Variants in PLEC observed in about 807,000 individuals in gnomAD.
The protein encoded by PLEC is hemidesmosomal protein 1.
PLEC carries 216 observed loss-of-function variants against 392.8 expected under a neutral mutation model. The ratio of observed to expected loss-of-function variants is 0.55; its 90% CI spans 0.49 to 0.62. The LOEUF is 0.62. Ranked by LOEUF, PLEC falls within the 20% of genes least tolerant of loss-of-function variation. PLEC has a pLI of 0.00. For synonymous variants in PLEC, 3,621 were observed against 2,980.6 expected (o/e 1.21, Z -7.00); for missense variants, 6,863 against 6,563.4 (o/e 1.05, Z -1.58).
Position 143,936,982 on chromosome 8 carries a change from GA to G in PLEC, c.431del (p.Phe144SerfsTer8), listed in dbSNP as rs1829222797. 6.2e-7 allele frequency: 1 copy of G among 1,610,498 alleles called. No homozygotes were observed. Among genetic ancestry groups the G allele is most frequent in the Non-Finnish European group, 8.5e-7 (1 of 1,177,764 alleles). On this transcript the variant is annotated frameshift_variant, in exon 5 of 32. Coordinates refer to ENST00000345136, the MANE Select transcript of PLEC (RefSeq NM_201384.3). LOFTEE classifies it high-confidence loss of function. Reference sequence around the variant, plus strand: ...GTCCTGGGGGCAGCCGTTCTACCTGGAAGTGCAGAATGATTGTCCAGATGAG... The same window carrying G: ...GTCCTGGGGGCAGCCGTTCTACCTGGAGTGCAGAATGATTGTCCAGATGAG... ...LGLIWTIILH[F>X]QISDIQVSGQ...
At position 143,917,530 on chromosome 8, in the gene PLEC, C is replaced by A. The variant is rs1473652198; in HGVS notation, c.12291G>T (p.Glu4097Asp). 2 of 1,613,840 alleles carry A rather than the reference C, an allele frequency of 1.2e-6. No individual in the cohort carries two copies. Among genetic ancestry groups the A allele is most frequent in the Non-Finnish European group, 1.7e-6 (2 of 1,180,044 alleles). ...TKGFFDPNTEENLTYLQLMER... is the reference protein window; with the variant it reads ...TKGFFDPNTEDNLTYLQLMER... ...CCATCAGCTGCAGGTAGGTGAGGTT[C>A]TCCTCCGTGTTAGGGTCAAAGAAGC... is the stretch of plus-strand genomic sequence containing the variant. Residue 4097 changes from glutamate to aspartate, a missense_variant, in exon 32 of 32, where the codon GAG becomes GAT. Glu to Asp is a conservative substitution (Grantham distance 45, BLOSUM62 2). Transcript: ENST00000345136.
rs765865869 is a variant in PLEC at position 143,929,228 on chromosome 8, G to A, written c.3135C>T (p.Ala1045=). The A allele has an allele frequency of 1.1e-5, 18 of 1,602,752 alleles. No homozygotes were observed. In the East Asian group the frequency reaches 1.3e-4, roughly 12 times the overall value. The change falls in exon 25 of 32, where the codon GCC becomes GCT. Residue 1045 remains alanine, a synonymous_variant. Coordinates refer to ENST00000345136, the MANE Select transcript of PLEC (RefSeq NM_201384.3). ...GTAGGGCCAAGACCTTCTCGGCCTC[G>A]GCAGAGAGCCGGGCGACCCCCTTGC... The part of the protein sequence containing the change: ...GLGKGVARLS[A]EAEKVLALPE...
chr8:143,920,451 G>A lies in PLEC; in HGVS notation c.9370C>T (p.Leu3124Phe), dbSNP rs1554681830. The change falls in exon 32 of 32, where the codon CTC (leucine) becomes TTC (phenylalanine). Residue 3124 changes from leucine (L) to phenylalanine (F), a missense_variant. By Grantham distance (22) the Leu-to-Phe change is conservative (BLOSUM62 0). Transcript: ENST00000345136. The stretch of plus-strand genomic sequence containing the variant: ...CGCAGGCCCTGCTCCCGGGGAATGA[G>A]GCCCTTCTTCAGGGCCTGGAACAGG... The part of the protein sequence containing the change: ...VSLFQALKKG[L>F]IPREQGLRLL... 2 of 1,600,972 alleles carry A rather than the reference G, an allele frequency of 1.2e-6. No individual in the cohort carries two copies. Among genetic ancestry groups the A allele is most frequent in the South Asian group, 1.1e-5 (1 of 90,794 alleles).
chr8:143,968,353 T>C (rs368503735), intron 1 of PLEC, among the ~76,000 whole-genome samples: 1 of 151,662 alleles, frequency 6.6e-6, no homozygotes, highest in African/African-American at 2.4e-5. Flanking sequence ...CTGTGGAGGC[T>C]GAGGCCAGGA....
rs1564049330 is a variant in PLEC at position 143,924,819 on chromosome 8, T to C, written c.5110A>G (p.Thr1704Ala). The change falls in exon 31 of 32, where the codon ACC (threonine) becomes GCC (alanine). Residue 1704 changes from threonine to alanine, a missense_variant. Physicochemically the swap from Thr to Ala is moderately conservative, Grantham distance 58. Coordinates refer to ENST00000345136, the MANE Select transcript of PLEC (RefSeq NM_201384.3). ...LEKQRQLAEG[T>A]AQQRLAAEQE... ...TCCGCGGCCAGGCGCTGCTGCGCGG[T>C]GCCTTCCGCCAGCTGCCGCTGCTTC... The C allele has an allele frequency of 1.3e-6, 2 of 1,542,362 alleles. No homozygotes were observed. The highest frequency in any genetic ancestry group is 1.7e-6 in the Non-Finnish European group (2 of 1,150,948).
At chr8:143,938,067 G>T in intron 3 of PLEC, 84 bp downstream of exon 3, 1 of 959,540 alleles carries the variant, frequency 1.0e-6, no homozygotes, top group Non-Finnish European at 1.6e-6. Context: ...AGAGTGGGCG[G>T]CCGGAGAGGC....
Position 143,932,388 on chromosome 8 carries a change from G to A in PLEC, c.1977+12C>T. ...GGGCTGTGGGGTTCAGGGCAGCTGG[G>A]CCACCGCTCACCGAGTAGCTCTCCT... On this transcript the variant is annotated intron_variant, in intron 16 of 31. Transcript: ENST00000345136. 1 of 1,612,512 alleles carries A rather than the reference G, an allele frequency of 6.2e-7. No individual in the cohort carries two copies. Among genetic ancestry groups the A allele is most frequent in the Non-Finnish European group, 8.5e-7 (1 of 1,179,920 alleles).
In PLEC at chr8:143,917,267, G is replaced by C; in HGVS notation, c.12554C>G (p.Ser4185Cys). The change falls in exon 32 of 32, where the codon TCC (serine) becomes TGC (cysteine). Residue 4185 changes from serine (S) to cysteine (C), a missense_variant. By Grantham distance (112) the Ser-to-Cys change is moderately radical. Coordinates refer to ENST00000345136, the MANE Select transcript of PLEC (RefSeq NM_201384.3). ...ECEWEEITISSSDGVVKSMII... is the reference protein window; with the variant it reads ...ECEWEEITISCSDGVVKSMII... ...CATGGACTTGACCACGCCGTCCGAG[G>C]AGGAGATGGTGATCTCCTCCCACTC... 1 of 1,610,924 alleles carries C rather than the reference G, an allele frequency of 6.2e-7. No homozygotes were observed. Among genetic ancestry groups the C allele is most frequent in the Non-Finnish European group, 8.5e-7 (1 of 1,178,840 alleles).
At chr8:143,975,145 G>A (rs1554745591), upstream of PLEC, 3 of 1,593,134 alleles carry the variant, frequency 1.9e-6, no homozygotes, top group South Asian at 3.3e-5. The surrounding 1 kb of genome is among the most constrained non-coding windows in gnomAD (Gnocchi z 9.9). Context: ...CGCGTGCCAA[G>A]GAGGTGCACA....
In PLEC at chr8:143,922,405, A is replaced by G. The variant is rs782392268; in HGVS notation, c.7426-10T>C. On this transcript the variant is annotated splice_polypyrimidine_tract_variant and intron_variant, in intron 31 of 31. Transcript: ENST00000345136. ...GCTGCACCGTCTGCATCTGCAGAAG[A>G]AGAGGGTGTGATCAGGGACCGCCAG... The G allele has an allele frequency of 8.7e-6, 14 of 1,600,668 alleles. No homozygotes were observed. Among genetic ancestry groups the G allele is most frequent in the Non-Finnish European group, 1.0e-5 (12 of 1,179,852 alleles).
Position 143,922,543 on chromosome 8 carries a change from G to A in PLEC, c.7386C>T (p.Leu2462=). ...IAELEREKEK[L]QQEAKLLQLK... ...GCTGCAGCAGTTTGGCCTCCTGTTG[G>A]AGCTTCTCCTTCTCACGCTCCAGCT... is the stretch of plus-strand genomic sequence containing the variant. The change falls in exon 31 of 32, where the codon CTC becomes CTT. Residue 2462 remains leucine, a synonymous_variant. Transcript: ENST00000345136. 4 of 1,612,672 alleles carry A rather than the reference G, an allele frequency of 2.5e-6. No individual in the cohort carries two copies. The highest frequency in any genetic ancestry group is 3.4e-6 in the Non-Finnish European group (4 of 1,180,010).
At position 143,925,095 on chromosome 8, in the gene PLEC, G is replaced by A. The variant is rs782551115; in HGVS notation, c.4834C>T (p.Arg1612Trp). 1.1e-5 allele frequency: 17 copies of A among 1,549,586 alleles called. No homozygotes were observed. The highest frequency in any genetic ancestry group is 3.8e-5 in the Admixed American group (2 of 53,074). ...AVAQLREEAE[R>W]RAQQQAEAER... is the part of the protein sequence containing the mutation. ...GCCTCGGCCTGCTGCTGTGCCCGCCGCTCAGCCTCCTCCCGCAGCTGTGCC... is the reference window on the plus strand; with the variant it reads ...GCCTCGGCCTGCTGCTGTGCCCGCCACTCAGCCTCCTCCCGCAGCTGTGCC... Residue 1612 changes from arginine to tryptophan, a missense_variant, in exon 31 of 32, where the codon CGG becomes TGG. By Grantham distance (101) the Arg-to-Trp change is moderately radical (BLOSUM62 -3). Transcript: ENST00000345136.
Position 143,930,134 on chromosome 8 carries a change from C to T in PLEC, c.2612+10G>A, listed in dbSNP as rs539801615. The T allele has an allele frequency of 1.6e-5, 26 of 1,586,740 alleles. No homozygotes were observed. The highest frequency in any genetic ancestry group is 1.7e-4 in the Middle Eastern group (1 of 5,742). On this transcript the variant is annotated intron_variant, in intron 21 of 31. Transcript: ENST00000345136. ...TTCCAGCCCCCACCTGCTGAGCCCC[C>T]GCCACCCACCTGGTGACGGCCTCCT...
At chr8:143,952,107 G>C (rs1306383166), upstream of PLEC, among the ~76,000 whole-genome samples, 1 of 152,152 alleles carries the variant, frequency 6.6e-6, no homozygotes, top group Non-Finnish European at 1.5e-5. Flanking sequence ...GCCAGCAGCC[G>C]GCAGGCGGCC....
In PLEC at chr8:143,930,067, C is replaced by T. The variant is rs1554712768; in HGVS notation, c.2613-5G>A. 1 of 1,609,752 alleles carries T rather than the reference C, an allele frequency of 6.2e-7. No individual in the cohort carries two copies. The highest frequency in any genetic ancestry group is 8.5e-7 in the Non-Finnish European group (1 of 1,179,726). On this transcript the variant is annotated splice_polypyrimidine_tract_variant and splice_region_variant and intron_variant, in intron 21 of 31. Coordinates refer to ENST00000345136, the MANE Select transcript of PLEC (RefSeq NM_201384.3). ...GCCTGGTGCTGGGCCTCCAGCCTGG[C>T]AGGTCAGGGCTACAGTCAGCGTCAC...
Position 143,922,352 on chromosome 8 carries a change from G to A in PLEC, c.7469C>T (p.Ala2490Val), listed in dbSNP as rs886044904. 3 of 1,604,706 alleles carry A rather than the reference G, an allele frequency of 1.9e-6. No homozygotes were observed. Among genetic ancestry groups the A allele is most frequent in the Non-Finnish European group, 2.5e-6 (3 of 1,179,912 alleles). ...QQEQLLQETQ[A>V]LQQSFLSEKD... The stretch of plus-strand genomic sequence containing the variant: ...TTCAGAGAGGAAGCTTTGCTGCAGG[G>A]CCTGCGTCTCCTGCAGCAGCTGCTC... The change falls in exon 32 of 32, where the codon GCC becomes GTC. Residue 2490 changes from alanine (A) to valine (V), a missense_variant. Physicochemically the swap from Ala to Val is moderately conservative, Grantham distance 64. Coordinates refer to ENST00000345136, the MANE Select transcript of PLEC (RefSeq NM_201384.3).
chr8:143,920,031 C>T lies in PLEC; in HGVS notation c.9790G>A (p.Ala3264Thr). ...CGCAACAGCTCCTGCCGCTGCTCCG[C>T]AGTGAAGTACTCAGAGCTGATGAGC... ...WELISSEYFTAEQRQELLRQF... is the reference protein window; with the variant it reads ...WELISSEYFTTEQRQELLRQF... Residue 3264 changes from alanine (A) to threonine (T), a missense_variant, in exon 32 of 32, where the codon GCG (alanine) becomes ACG (threonine). Ala to Thr is a moderately conservative substitution (Grantham distance 58). Transcript: ENST00000345136. 1 of 1,613,352 alleles carries T rather than the reference C, an allele frequency of 6.2e-7. No individual in the cohort carries two copies. The highest frequency in any genetic ancestry group is 8.5e-7 in the Non-Finnish European group (1 of 1,180,034).
Position 143,936,972 on chromosome 8 carries a change from G to C in PLEC, c.435+7C>G, listed in dbSNP as rs375989217. ...GGGGGTGGGGGTCCTGGGGGCAGCC[G>C]TTCTACCTGGAAGTGCAGAATGATT... is the stretch of plus-strand genomic sequence containing the variant. On this transcript the variant is annotated splice_region_variant and intron_variant, in intron 5 of 31. Transcript: ENST00000345136. 2 of 1,606,944 alleles carry C rather than the reference G, an allele frequency of 1.2e-6. No homozygotes were observed. Among genetic ancestry groups the C allele is most frequent in the South Asian group, 2.2e-5 (2 of 91,004 alleles).
rs782798891 is a variant in PLEC, at chr8:143,935,069, G to A, written c.767C>T (p.Ser256Leu). Residue 256 changes from serine (S) to leucine (L), a missense_variant, in exon 8 of 32, where the codon TCG becomes TTG. Coordinates refer to ENST00000345136, the MANE Select transcript of PLEC (RefSeq NM_201384.3). ...PDEKSIITYV[S>L]SLYDAMPRVP... ...GCGGGGCATGGCGTCATACAGCGAC[G>A]AGACGTAGGTGATGATGGACTTCTC... 3.7e-6 allele frequency: 6 copies of A among 1,612,808 alleles called. No homozygotes were observed. In the African/African-American group the frequency reaches 4.0e-5, roughly 11 times the overall value.
Sources: allele counts gnomAD v4.1 joint callset (sites outside exome capture counted in the v4.1 genomes callset), GRCh38; gene constraint gnomAD v4.1.1; non-coding constraint Gnocchi (gnomAD v3.1); transcripts MANE v1.5; gene names NCBI Gene and HGNC (gene_info 2026-07-23, HGNC 2026-07-21).